The following MAF variants were observed in gnomAD, a reference collection of about 807,000 sequenced individuals.
MAF encodes the protein MAF bZIP transcription factor.
MAF carries 10 observed loss-of-function variants against 22.0 expected under a neutral mutation model. The observed-to-expected ratio is 0.45, with a 90% CI of 0.28 to 0.77. The LOEUF is 0.77. Among genes scored for constraint, MAF ranks in the 30% least tolerant of loss-of-function variants. The pLI is 0.12. For missense variants in MAF, 544 were observed against 548.4 expected (o/e 0.99, Z 0.08); for synonymous variants, 337 against 255.8 (o/e 1.32, Z -3.03).
chr16:79,293,678 A>C, the MAF span, among the ~76,000 whole-genome samples: 5 of 151,986 alleles, frequency 3.3e-5, no homozygotes, highest in Non-Finnish European at 7.4e-5. Context: ...CAACTCTTAC[A>C]TTAGTCTTGG....
chr16:79,557,537 G>T, the MAF span, among the ~76,000 whole-genome samples: 1 of 152,016 alleles, frequency 6.6e-6, no homozygotes, highest in Admixed American at 6.5e-5. Context: ...CAGCCCTGCC[G>T]TTTACTACTT....
the MAF span, among the ~76,000 whole-genome samples, chr16:79,549,865 T>G: frequency 6.6e-6 from 1 of 152,002 alleles, no homozygotes; most frequent in Non-Finnish European, 1.5e-5. Context: ...ATTCCGTAAA[T>G]AAAGGAAGTC....
the MAF span, among the ~76,000 whole-genome samples, chr16:79,279,623 C>T: frequency 6.6e-6 from 1 of 152,090 alleles, no homozygotes; most frequent in Non-Finnish European, 1.5e-5. Flanking sequence ...GCAAGTGGCT[C>T]AGATCTGACT....
chr16:79,223,401 G>C, the MAF span, among the ~76,000 whole-genome samples: 1 of 152,108 alleles, frequency 6.6e-6, no homozygotes, highest in South Asian at 2.1e-4. Context: ...ATGCCCACAA[G>C]AGAAAGCAGG....
the MAF span, among the ~76,000 whole-genome samples, chr16:79,576,346 G>A: frequency 2.0e-5 from 3 of 150,250 alleles, no homozygotes; most frequent in Non-Finnish European, 4.4e-5. Flanking sequence ...CTGGTTCCAT[G>A]TTCTTGGAAG....
the MAF span, among the ~76,000 whole-genome samples, chr16:79,408,414 G>A: frequency 6.6e-6 from 1 of 152,108 alleles, no homozygotes; most frequent in East Asian, 1.9e-4. Context: ...GACCTCAGGT[G>A]ATCTGCCCGC....
At chr16:79,237,524 C>T in the MAF span, among the ~76,000 whole-genome samples, 9 of 152,188 alleles carry the variant, frequency 5.9e-5, no homozygotes, top group African/African-American at 2.2e-4. Context: ...CATGGTTCTT[C>T]TGGCATAGAG....
chr16:79,292,834 A>G, the MAF span, among the ~76,000 whole-genome samples: 1 of 152,200 alleles, frequency 6.6e-6, no homozygotes. Context: ...TTATATGCCA[A>G]TTATAATGCA....
At chr16:79,374,700 T>C in the MAF span, among the ~76,000 whole-genome samples, 1 of 152,124 alleles carries the variant, frequency 6.6e-6, no homozygotes, top group Non-Finnish European at 1.5e-5. Flanking sequence ...GGAAACAGAG[T>C]GACGGCTCTC....
the MAF span, among the ~76,000 whole-genome samples, chr16:79,321,008 A>G: frequency 2.0e-5 from 3 of 152,200 alleles, no homozygotes; most frequent in Non-Finnish European, 4.4e-5. Flanking sequence ...GACCCAGGTG[A>G]CTAACTGAGG....
the MAF span, among the ~76,000 whole-genome samples, chr16:79,367,486 A>G: frequency 6.6e-6 from 1 of 152,150 alleles, no homozygotes; most frequent in African/African-American, 2.4e-5. Flanking sequence ...CCAAGACATG[A>G]CCCTTATAGC....
the MAF span, among the ~76,000 whole-genome samples, chr16:79,489,777 G>C: frequency 6.6e-6 from 1 of 152,206 alleles, no homozygotes; most frequent in Non-Finnish European, 1.5e-5. Flanking sequence ...AGTCCTTGTG[G>C]TTTATCTGGT....
chr16:79,387,012 G>T, the MAF span, among the ~76,000 whole-genome samples: 7 of 152,236 alleles, frequency 4.6e-5, no homozygotes, highest in African/African-American at 1.4e-4. Context: ...ATACCCCAAG[G>T]CTTCCAATAT....
the MAF span, among the ~76,000 whole-genome samples, chr16:79,221,788 T>A: frequency 6.6e-6 from 1 of 152,138 alleles, no homozygotes; most frequent in Non-Finnish European, 1.5e-5. Context: ...TGTGTAGATA[T>A]CAGGAGTTTC....
the MAF span, among the ~76,000 whole-genome samples, chr16:79,519,107 G>A: frequency 6.6e-5 from 10 of 151,986 alleles, no homozygotes; most frequent in African/African-American, 2.2e-4. Context: ...AGTTCCTCCT[G>A]CCTATTATCT....
At chr16:79,217,741 A>T in the MAF span, among the ~76,000 whole-genome samples, 1 of 152,102 alleles carries the variant, frequency 6.6e-6, no homozygotes, top group African/African-American at 2.4e-5. Context: ...TTCACACCTG[A>T]TTAAGGGAGA....
the MAF span, among the ~76,000 whole-genome samples, chr16:79,483,984 T>C: frequency 1.3e-5 from 2 of 151,982 alleles, no homozygotes; most frequent in African/African-American, 4.8e-5. Flanking sequence ...GTGGTAGGGA[T>C]GGAAAAAGTG....
At chr16:79,265,493 A>G in the MAF span, among the ~76,000 whole-genome samples, 1 of 135,896 alleles carries the variant, frequency 7.4e-6, no homozygotes, top group Non-Finnish European at 1.6e-5. Flanking sequence ...ATATGTTCCA[A>G]GACCTCCAGT....
At chr16:79,507,375 C>T in the MAF span, among the ~76,000 whole-genome samples, 2 of 151,914 alleles carry the variant, frequency 1.3e-5, no homozygotes, top group Non-Finnish European at 1.5e-5. Context: ...CTTGGCCTCC[C>T]AAAGTGCTGG....
Sources: gnomAD v4.1 joint callset for allele counts (sites outside exome capture counted in the v4.1 genomes callset) on GRCh38, gnomAD v4.1.1 for gene constraint, MANE v1.5 for transcripts, NCBI Gene and HGNC (gene_info 2026-07-23, HGNC 2026-07-21) for gene names.